Variants in KIAA1328 observed in about 807,000 individuals in gnomAD.
The protein encoded by KIAA1328 is protein hinderin.
A neutral mutation model predicts 68.1 loss-of-function variants in KIAA1328; 52 were observed. The observed-to-expected ratio is 0.76, with a 90% confidence interval of 0.61 to 0.96. The LOEUF (loss-of-function observed/expected upper bound fraction) is 0.96, where lower values mean the gene tolerates loss of function less well. KIAA1328 is among the 40% of genes least tolerant of loss of function. The pLI is 0.00. For missense variants in KIAA1328, 641 were observed against 677.6 expected (o/e 0.95, Z 0.60); for synonymous variants, 232 against 239.4 (o/e 0.97, Z 0.28).
At chr18:36,895,909 G>A in intron 5 of KIAA1328, 1 of 370,222 alleles carries the variant, frequency 2.7e-6, no homozygotes, top group South Asian at 2.1e-5. Context: ...GAAGGTAGAA[G>A]CCTGAAAGCC....
intron 4 of KIAA1328, among the ~76,000 whole-genome samples, chr18:36,865,282 ATTTT>A (rs376678423): frequency 6.6e-6 from 1 of 151,544 alleles, no homozygotes; most frequent in Admixed American, 6.6e-5. Context: ...AATTCTATGT[ATTTT>A]TTTATTTCCC....
At chr18:36,963,069 A>G (rs560217331) in intron 6 of KIAA1328, among the ~76,000 whole-genome samples, 4 of 152,286 alleles carry the variant, frequency 2.6e-5, no homozygotes, top group African/African-American at 4.8e-5. Context: ...TGAAATAGCC[A>G]AAGTATAAAT....
rs558317440 is a variant in KIAA1328 at position 37,093,323 on chromosome 18, A to G, written c.1232+25778A>G. On this transcript the variant is annotated intron_variant, in intron 7 of 9. Transcript: ENST00000280020. ...CAAGGAAAGGAAATTATGAAATGCC[A>G]AAAAGGGAACTCAAAATAATGATAC... 2.2e-4 allele frequency among the ~76,000 whole-genome samples: 34 copies of G among 152,294 alleles called. 1 individual carries two copies. The Middle Eastern group carries it at 0.01, about 46-fold the overall frequency.
chr18:37,129,332 A>T (rs900970851), intron 7 of KIAA1328, among the ~76,000 whole-genome samples: 1 of 152,174 alleles, frequency 6.6e-6, no homozygotes, highest in Admixed American at 6.5e-5. Flanking sequence ...AAAGAACCTG[A>T]ATTTCCATCA....
intron 7 of KIAA1328, among the ~76,000 whole-genome samples, chr18:37,078,919 T>A (rs1312987518): frequency 6.6e-6 from 1 of 151,880 alleles, no homozygotes; most frequent in Non-Finnish European, 1.5e-5. Context: ...GAGGTCAGTG[T>A]GGCGATTCCT....
At position 37,067,044 on chromosome 18, in the gene KIAA1328, A is replaced by G; in HGVS notation, c.731A>G (p.Asn244Ser). 1 of 1,614,006 alleles carries G rather than the reference A, an allele frequency of 6.2e-7. No homozygotes were observed. The highest frequency in any genetic ancestry group is 1.7e-5 in the Admixed American group (1 of 60,024). Residue 244 changes from asparagine to serine, a missense_variant, in exon 7 of 10, where the codon AAT becomes AGT. Coordinates refer to ENST00000280020, the MANE Select transcript of KIAA1328 (RefSeq NM_020776.3). ...TCAGAATCCCTTATAGCATTTAGGA[A>G]TAATTCTTTGAAACCAGTAACCCTT... ...SASESLIAFR[N>S]NSLKPVTLHH...
intron 6 of KIAA1328, among the ~76,000 whole-genome samples, chr18:37,019,721 A>G (rs1305348641): frequency 6.6e-6 from 1 of 152,230 alleles, no homozygotes; most frequent in African/African-American, 2.4e-5. Flanking sequence ...AGATCTCTGC[A>G]TAGGAGGTGT....
intron 6 of KIAA1328, among the ~76,000 whole-genome samples, chr18:36,989,485 G>A (rs759209410): frequency 6.6e-6 from 1 of 152,140 alleles, no homozygotes; most frequent in Non-Finnish European, 1.5e-5. Flanking sequence ...AGTAACAGAA[G>A]CTCCGATTCT....
chr18:37,068,542 C>T (rs925469459), intron 7 of KIAA1328, among the ~76,000 whole-genome samples: 3 of 152,138 alleles, frequency 2.0e-5, no homozygotes, highest in African/African-American at 7.2e-5. Flanking sequence ...GACATTTCAT[C>T]GCAGTCTTAA....
intron 8 of KIAA1328, among the ~76,000 whole-genome samples, chr18:37,163,378 T>C (rs1204115927): frequency 6.6e-6 from 1 of 152,200 alleles, no homozygotes; most frequent in African/African-American, 2.4e-5. Context: ...TTTTTGTTCC[T>C]CCTTCTTGAA....
chr18:37,054,143 G>T (rs1425210993), intron 6 of KIAA1328, among the ~76,000 whole-genome samples: 2 of 152,098 alleles, frequency 1.3e-5, no homozygotes, highest in Admixed American at 6.6e-5. Context: ...TTATTAAAAT[G>T]TAAAAAAATG....
At chr18:37,205,203 C>T (rs2154219763) in intron 9 of KIAA1328, among the ~76,000 whole-genome samples, 1 of 152,284 alleles carries the variant, frequency 6.6e-6, no homozygotes, top group African/African-American at 2.4e-5. Context: ...CATCTGGGAT[C>T]TCAGCTCCTC....
At chr18:36,991,529 A>C (rs960811944) in intron 6 of KIAA1328, among the ~76,000 whole-genome samples, 3 of 152,244 alleles carry the variant, frequency 2.0e-5, no homozygotes, top group African/African-American at 7.2e-5. Flanking sequence ...GATATTTGAC[A>C]GTTTTTTCAT....
chr18:36,958,496 C>G (rs987620673), intron 5 of KIAA1328, among the ~76,000 whole-genome samples: 1 of 152,076 alleles, frequency 6.6e-6, no homozygotes, highest in South Asian at 2.1e-4. Flanking sequence ...TCTTCATATC[C>G]TTGTCAGTGC....
chr18:37,196,670 T>C (rs142613606), intron 9 of KIAA1328, among the ~76,000 whole-genome samples: 1 of 152,202 alleles, frequency 6.6e-6, no homozygotes, highest in East Asian at 1.9e-4. Context: ...TTTTAATGAA[T>C]TCTGTTTGCT....
At chr18:36,936,036 T>C (rs576341591) in intron 5 of KIAA1328, among the ~76,000 whole-genome samples, 3 of 152,204 alleles carry the variant, frequency 2.0e-5, no homozygotes, top group Admixed American at 1.3e-4. Context: ...GGGAAGAAAA[T>C]GTTAACTCTG....
At chr18:36,940,312 G>T (rs2050660580) in intron 5 of KIAA1328, among the ~76,000 whole-genome samples, 1 of 152,196 alleles carries the variant, frequency 6.6e-6, no homozygotes, top group Non-Finnish European at 1.5e-5. Context: ...TGCGGCTCAG[G>T]ATTTTGCATG....
At chr18:37,080,224 G>A (rs544281054) in intron 7 of KIAA1328, among the ~76,000 whole-genome samples, 38 of 152,224 alleles carry the variant, frequency 2.5e-4, no homozygotes, top group Non-Finnish European at 5.0e-4. Context: ...TATGCCAATT[G>A]TCAGTTTAAG....
intron 9 of KIAA1328, among the ~76,000 whole-genome samples, chr18:37,189,967 AT>A (rs2059874740): frequency 6.6e-6 from 1 of 152,052 alleles, no homozygotes; most frequent in African/African-American, 2.4e-5. Flanking sequence ...CCTTCCAGTT[AT>A]TTTTTCTTTC....
Sources: allele counts gnomAD v4.1 joint callset (sites outside exome capture counted in the v4.1 genomes callset), GRCh38; gene constraint gnomAD v4.1.1; transcripts MANE v1.5; gene names NCBI Gene and HGNC (gene_info 2026-07-23, HGNC 2026-07-21).